MACROD2: variants seen among roughly 807,000 people sequenced by gnomAD.
MACROD2 encodes mono-ADP ribosylhydrolase 2.
In MACROD2, 36 loss-of-function variants were observed where a neutral mutation model predicts 70.4. That is an observed-to-expected ratio of 0.51 (90% CI 0.39 to 0.68). The LOEUF (loss-of-function observed/expected upper bound fraction) is 0.68. MACROD2 is among the 30% of genes least tolerant of loss of function. The pLI, the probability that MACROD2 is intolerant of heterozygous loss-of-function variation, is 0.00. For missense variants in MACROD2, 496 were observed against 538.4 expected, an observed-to-expected ratio of 0.92 and a Z score of 0.78; for synonymous variants, 172 against 178.8, an observed-to-expected ratio of 0.96 and a Z score of 0.30.
intron 8 of MACROD2, among the ~76,000 whole-genome samples, chr20:15,686,849 T>G (rs2050231775): frequency 7.4e-6 from 1 of 134,248 alleles, no homozygotes; most frequent in African/African-American, 2.9e-5. Flanking sequence ...CTCCAGCCTG[T>G]GTGACAGAGT....
chr20:15,728,566 C>T (rs76891010), intron 8 of MACROD2, among the ~76,000 whole-genome samples: 1 of 152,086 alleles, frequency 6.6e-6, no homozygotes, highest in Non-Finnish European at 1.5e-5. Context: ...ATTACTGATT[C>T]AATTTCAGAA....
At chr20:15,075,888 T>C (rs2075653673) in intron 5 of MACROD2, among the ~76,000 whole-genome samples, 1 of 152,146 alleles carries the variant, frequency 6.6e-6, no homozygotes, top group South Asian at 2.1e-4. Flanking sequence ...AAGGCATTTG[T>C]TCGTAAAAAG....
chr20:14,754,795 A>T (rs1294378301), intron 5 of MACROD2, among the ~76,000 whole-genome samples: 2 of 143,756 alleles, frequency 1.4e-5, no homozygotes, highest in African/African-American at 2.6e-5. Flanking sequence ...AGGTAAAGTG[A>T]TTTTTTTTTT....
At chr20:14,373,804 C>T (rs568504485) in intron 3 of MACROD2, among the ~76,000 whole-genome samples, 23 of 152,146 alleles carry the variant, frequency 1.5e-4, no homozygotes, top group Admixed American at 9.8e-4. Flanking sequence ...GCCACAGTTA[C>T]GCGGTGTTAC....
chr20:15,218,977 C>T (rs1241454365), intron 5 of MACROD2, among the ~76,000 whole-genome samples: 3 of 151,788 alleles, frequency 2.0e-5, no homozygotes, highest in African/African-American at 7.3e-5. Context: ...ACCCGGGAGG[C>T]GGAGCTTGCA....
At chr20:15,844,922 A>T (rs548582497) in intron 8 of MACROD2, among the ~76,000 whole-genome samples, 2 of 152,144 alleles carry the variant, frequency 1.3e-5, no homozygotes, top group South Asian at 4.1e-4. Flanking sequence ...AAGCATAAAA[A>T]TATGTTGCAA....
At chr20:14,887,955 A>G (rs913816679) in intron 5 of MACROD2, 1 of 152,016 alleles carries the variant, frequency 6.6e-6, no homozygotes, top group Non-Finnish European at 1.5e-5. Context: ...AAAATTGCAC[A>G]TAGGAAGAAC....
intron 3 of MACROD2, among the ~76,000 whole-genome samples, chr20:14,364,892 C>CT (rs34021708): frequency 6.6e-6 from 1 of 152,090 alleles, no homozygotes; most frequent in Non-Finnish European, 1.5e-5. Context: ...TTGTTGAAAA[C>CT]TTTTTTTCAT....
intron 8 of MACROD2, among the ~76,000 whole-genome samples, chr20:15,685,871 A>G (rs1343686209): frequency 1.3e-5 from 2 of 152,106 alleles, no homozygotes; most frequent in African/African-American, 2.4e-5. Context: ...TCAGTTTGCT[A>G]CTCGATATTG....
At chr20:15,503,596 A>C (rs2047390658) in intron 8 of MACROD2, among the ~76,000 whole-genome samples, 1 of 152,230 alleles carries the variant, frequency 6.6e-6, no homozygotes, top group South Asian at 2.1e-4. Flanking sequence ...CCAAACTATA[A>C]ATCCAATAAG....
chr20:14,495,482 A>G (rs2084843333), intron 4 of MACROD2, among the ~76,000 whole-genome samples: 1 of 152,220 alleles, frequency 6.6e-6, no homozygotes, highest in Admixed American at 6.5e-5. Flanking sequence ...CCTAGCATGT[A>G]GTCTTTTATT....
In MACROD2 at chr20:14,322,771, A is replaced by G. The variant is rs1210882586; in HGVS notation, c.272-170708A>G. Among the ~76,000 whole-genome samples the G allele has an allele frequency of 2.0e-5, 3 of 152,218 alleles. No homozygotes were observed. The South Asian group carries it at 6.2e-4, about 32-fold the overall frequency. ...AACAGATGGCAAACATTTGTTGACC[A>G]TAATAATAGTAGTAACTTGTATTTT... On this transcript the variant is annotated intron_variant, in intron 3 of 17. Coordinates refer to ENST00000684519, the MANE Select transcript of MACROD2 (RefSeq NM_001351661.2).
intron 8 of MACROD2, among the ~76,000 whole-genome samples, chr20:15,786,287 A>G (rs2051925933): frequency 2.0e-5 from 3 of 152,106 alleles, no homozygotes; most frequent in South Asian, 4.1e-4. Flanking sequence ...AAAAAATTAT[A>G]TTTAAGATAG....
chr20:14,445,502 T>C (rs937193429), intron 3 of MACROD2, among the ~76,000 whole-genome samples: 21 of 152,046 alleles, frequency 1.4e-4, no homozygotes, highest in Non-Finnish European at 2.5e-4. Flanking sequence ...CTGACACATT[T>C]CCCCAATTCC....
At chr20:14,991,817 C>G (rs1189999602) in intron 5 of MACROD2, among the ~76,000 whole-genome samples, 2 of 152,126 alleles carry the variant, frequency 1.3e-5, no homozygotes, top group African/African-American at 4.8e-5. Context: ...TTTGCACCGC[C>G]TTAATTAATG....
chr20:15,255,062 G>A (rs2077187778), intron 6 of MACROD2, among the ~76,000 whole-genome samples: 1 of 150,818 alleles, frequency 6.6e-6, no homozygotes, highest in Non-Finnish European at 1.5e-5. Flanking sequence ...GAAAGCTTTG[G>A]GTATTTGCCA....
At chr20:15,827,698 G>A (rs185852699) in intron 8 of MACROD2, among the ~76,000 whole-genome samples, 2 of 152,316 alleles carry the variant, frequency 1.3e-5, no homozygotes, top group East Asian at 3.9e-4. Flanking sequence ...CATCTAGAAA[G>A]TTATCAGCAT....
At chr20:15,524,882 G>A (rs1489663997) in intron 8 of MACROD2, among the ~76,000 whole-genome samples, 1 of 152,230 alleles carries the variant, frequency 6.6e-6, no homozygotes, top group African/African-American at 2.4e-5. Flanking sequence ...ATATTGGACA[G>A]AGCAAAGTAG....
At chr20:15,225,323 G>T (rs966205729) in intron 5 of MACROD2, among the ~76,000 whole-genome samples, 1 of 152,040 alleles carries the variant, frequency 6.6e-6, no homozygotes, top group African/African-American at 2.4e-5. Context: ...TAAGGACAGG[G>T]TAAATGGGAT....
Sources: gnomAD v4.1 joint callset for allele counts (sites outside exome capture counted in the v4.1 genomes callset) on GRCh38, gnomAD v4.1.1 for gene constraint, MANE v1.5 for transcripts, NCBI Gene and HGNC (gene_info 2026-07-23, HGNC 2026-07-21) for gene names.